AP3B1: variants seen among roughly 807,000 people sequenced by gnomAD.
AP3B1 encodes AP-3 complex subunit beta-1.
Under a neutral mutation model 132.5 loss-of-function variants are expected in AP3B1, and 61 were observed. That is an observed-to-expected ratio of 0.46 (90% CI 0.37 to 0.57). The LOEUF is 0.57. Ranked by LOEUF, AP3B1 falls within the 20% of genes least tolerant of loss-of-function variation. The pLI is 0.00. For missense variants in AP3B1, 1,120 were observed against 1,289.4 expected (o/e 0.87, Z 2.01); for synonymous variants, 388 against 438.3 (o/e 0.89, Z 1.43).
At chr5:78,200,157 G>C (rs182572565) in intron 7 of AP3B1, among the ~76,000 whole-genome samples, 1 of 151,962 alleles carries the variant, frequency 6.6e-6, no homozygotes, top group African/African-American at 2.4e-5. Context: ...GGCACTGGAG[G>C]CAAAGATGAC....
intron 3 of AP3B1, among the ~76,000 whole-genome samples, chr5:78,237,175 A>T (rs893884890): frequency 2.0e-5 from 3 of 152,214 alleles, no homozygotes; most frequent in Non-Finnish European, 4.4e-5. Context: ...ATCTATCTGA[A>T]ATACAGAATG....
Position 78,268,551 on chromosome 5 carries a change from G to A in AP3B1, c.129-956C>T, listed in dbSNP as rs538977355. On this transcript the variant is annotated intron_variant, in intron 1 of 26. Coordinates refer to ENST00000255194, the MANE Select transcript of AP3B1 (RefSeq NM_003664.5). ...TTATTCTCCTCTACCAGTTTTATCT[G>A]GAGAGAGAAGTGAGCAATGAAGAGG... Among the ~76,000 whole-genome samples the A allele has an allele frequency of 2.6e-5, 4 of 152,188 alleles. No individual in the cohort carries two copies. In the East Asian group the frequency reaches 7.7e-4, roughly 29 times the overall value.
At chr5:78,078,527 A>G (rs1749855664) in intron 22 of AP3B1, among the ~76,000 whole-genome samples, 1 of 152,184 alleles carries the variant, frequency 6.6e-6, no homozygotes, top group Non-Finnish European at 1.5e-5. Flanking sequence ...AAAACATAAT[A>G]TACATTTTAT....
intron 2 of AP3B1, among the ~76,000 whole-genome samples, chr5:78,249,232 GC>G (rs991158528): frequency 6.6e-6 from 1 of 151,832 alleles, no homozygotes; most frequent in Non-Finnish European, 1.5e-5. Context: ...GGGCTGGGGA[GC>G]GGGGGCACCT....
chr5:78,218,702 ATCTATTTTG>A (rs1746059365), intron 6 of AP3B1, among the ~76,000 whole-genome samples: 1 of 152,160 alleles, frequency 6.6e-6, no homozygotes, highest in South Asian at 2.1e-4. Context: ...GTTTCCTTGC[ATCTATTTTG>A]TCATGAATTC....
intron 23 of AP3B1, 114 bp downstream of exon 23, chr5:78,038,929 A>G (rs565017353): frequency 1.6e-5 from 11 of 675,962 alleles, no homozygotes; most frequent in Non-Finnish European, 2.7e-5. Flanking sequence ...CTAATTGTCA[A>G]TACAATCATA....
intron 7 of AP3B1, among the ~76,000 whole-genome samples, chr5:78,206,771 T>C (rs1045209308): frequency 2.0e-5 from 3 of 152,118 alleles, no homozygotes; most frequent in African/African-American, 7.2e-5. Flanking sequence ...GATTAGACCA[T>C]TGAAAATCAA....
In AP3B1 at chr5:78,116,252, G is replaced by C; in HGVS notation, c.1969-18C>G. 1 of 1,578,270 alleles carries C rather than the reference G, an allele frequency of 6.3e-7. No individual in the cohort carries two copies. Among genetic ancestry groups the C allele is most frequent in the South Asian group, 1.1e-5 (1 of 90,426 alleles). On this transcript the variant is annotated intron_variant, in intron 17 of 26. Transcript: ENST00000255194. ...TCTTTTGCCTGTTTAAACAAATAAA[G>C]TAAATATAAATGAATTCTCATTCAG...
intron 1 of AP3B1, among the ~76,000 whole-genome samples, chr5:78,290,022 C>T (rs1344663287): frequency 6.6e-6 from 1 of 152,174 alleles, no homozygotes; most frequent in Non-Finnish European, 1.5e-5. Flanking sequence ...GAAGTCTTCA[C>T]CAACTTTCCC....
At chr5:78,231,411 T>A (rs957372556) in intron 3 of AP3B1, among the ~76,000 whole-genome samples, 1 of 152,006 alleles carries the variant, frequency 6.6e-6, no homozygotes, top group Non-Finnish European at 1.5e-5. Flanking sequence ...TGACCTCAGG[T>A]GATCTGCCCG....
At chr5:78,180,392 C>G (rs995354585) in intron 8 of AP3B1, among the ~76,000 whole-genome samples, 19 of 151,924 alleles carry the variant, frequency 1.3e-4, no homozygotes, top group Admixed American at 1.2e-3. Flanking sequence ...TGCCAGTTAA[C>G]AGGAAACACA....
chr5:78,113,185 C>T (rs1412048208), intron 19 of AP3B1, among the ~76,000 whole-genome samples: 3 of 152,224 alleles, frequency 2.0e-5, no homozygotes, highest in East Asian at 1.9e-4. Flanking sequence ...CTGACAGCAG[C>T]GGGGAAAACA....
At position 78,044,863 on chromosome 5, in the gene AP3B1, A is replaced by G. The variant is rs188783494; in HGVS notation, c.2578-5589T>C. ...AATATGTTAAGGGATGAATAAAGAA[A>G]GAAAAACAGTATAATTCTCTCCACT... is the stretch of plus-strand genomic sequence containing the variant. On this transcript the variant is annotated intron_variant, in intron 22 of 26. Transcript: ENST00000255194. 1.8e-4 allele frequency among the ~76,000 whole-genome samples: 27 copies of G among 152,356 alleles called. No individual in the cohort carries two copies. In the East Asian group the frequency reaches 5.0e-3, roughly 28 times the overall value.
chr5:78,045,423 G>A (rs998932234), intron 22 of AP3B1, among the ~76,000 whole-genome samples: 1 of 148,256 alleles, frequency 6.7e-6, no homozygotes, highest in African/African-American at 2.5e-5. Context: ...GAAAATGTTT[G>A]ATTACTTTTT....
At chr5:78,108,996 G>A (rs575032184) in intron 20 of AP3B1, among the ~76,000 whole-genome samples, 43 of 151,960 alleles carry the variant, frequency 2.8e-4, no homozygotes, top group African/African-American at 9.2e-4. Flanking sequence ...ATTTACTGTC[G>A]ATTTGTAACT....
chr5:78,099,807 C>G (rs564028017), intron 21 of AP3B1, among the ~76,000 whole-genome samples: 6 of 150,918 alleles, frequency 4.0e-5, no homozygotes, highest in Non-Finnish European at 8.8e-5. Context: ...GAGAACTGCT[C>G]GAACCCAGAA....
chr5:78,038,032 A>T (rs1180757886), intron 23 of AP3B1, among the ~76,000 whole-genome samples: 3 of 152,194 alleles, frequency 2.0e-5, no homozygotes, highest in African/African-American at 7.2e-5. Context: ...GGCCACTGAC[A>T]CTTTGTTGGA....
At chr5:78,135,646 G>A (rs1450561742) in intron 15 of AP3B1, among the ~76,000 whole-genome samples, 1 of 151,982 alleles carries the variant, frequency 6.6e-6, no homozygotes, top group Non-Finnish European at 1.5e-5. Flanking sequence ...TTTTCCATAG[G>A]TTTGCAATAT....
chr5:78,038,101 G>T (rs767776981), intron 23 of AP3B1, among the ~76,000 whole-genome samples: 1 of 152,136 alleles, frequency 6.6e-6, no homozygotes, highest in Non-Finnish European at 1.5e-5. Context: ...CAAAGCTGGG[G>T]GCAGCCGCTG....
Sources: gnomAD v4.1 joint callset for allele counts (sites outside exome capture counted in the v4.1 genomes callset) on GRCh38, gnomAD v4.1.1 for gene constraint, MANE v1.5 for transcripts, NCBI Gene and HGNC (gene_info 2026-07-23, HGNC 2026-07-21) for gene names.